CIT: variants seen among roughly 807,000 people sequenced by gnomAD.
CIT encodes the protein citron rho-interacting serine/threonine kinase.
CIT carries 79 observed loss-of-function variants against 272.7 expected under a neutral mutation model. That is an observed-to-expected ratio of 0.29 (90% CI 0.24 to 0.35). The LOEUF is 0.35. Ranked by LOEUF, CIT falls within the 10% of genes least tolerant of loss-of-function variation. The probability of loss-of-function intolerance (pLI) is 1.00; values close to 1 mark genes in which losing one functional copy is unlikely to be tolerated. For missense variants in CIT, 1,909 were observed against 2,618.3 expected, an observed-to-expected ratio of 0.73 and a Z score of 5.91; for synonymous variants, 948 against 995.6, an observed-to-expected ratio of 0.95 and a Z score of 0.90.
chr12:119,708,396 T>C, intron 39 of CIT, 78 bp from the exon 40 acceptor site: 1 of 1,360,188 alleles, frequency 7.4e-7, no homozygotes, highest in Non-Finnish European at 9.6e-7. Context: ...CTAGTTCTAG[T>C]CACAAGTAAA....
intron 9 of CIT, among the ~76,000 whole-genome samples, chr12:119,807,045 A>G (rs1847450455): frequency 6.6e-6 from 1 of 152,200 alleles, no homozygotes; most frequent in South Asian, 2.1e-4. Flanking sequence ...TGGTCTACAC[A>G]CTGGCATTAT....
In CIT at chr12:119,804,112, C is replaced by T; in HGVS notation, c.1112-723G>A. 1 of 956,442 alleles carries T rather than the reference C, an allele frequency of 1.0e-6. No individual in the cohort carries two copies. 59.2% of individuals were successfully genotyped at this position (956,442 alleles called of 1,614,324 possible). On this transcript the variant is annotated intron_variant, in intron 9 of 47. Coordinates refer to ENST00000392521, the MANE Select transcript of CIT (RefSeq NM_001206999.2). This position sits in a 1 kb window ranked among gnomAD's most constrained non-coding sequence, Gnocchi z 5.3. ...AAGTTCCTACCGGTGATCTACAGCA[C>T]CCCTGCGCGCTGACGGTGGGAATGC...
At chr12:119,856,934 ACT>A (rs1429526465) in intron 4 of CIT, among the ~76,000 whole-genome samples, 1 of 152,148 alleles carries the variant, frequency 6.6e-6, no homozygotes, top group Non-Finnish European at 1.5e-5. Context: ...GTAATAAATT[ACT>A]CTCTGAATTC....
At chr12:119,755,050 T>C (rs780985134) in intron 22 of CIT, among the ~76,000 whole-genome samples, 1 of 152,198 alleles carries the variant, frequency 6.6e-6, no homozygotes, top group Admixed American at 6.5e-5. Flanking sequence ...GCCTGGATGA[T>C]AAAAGTTAAA....
intron 23 of CIT, among the ~76,000 whole-genome samples, chr12:119,747,411 A>C (rs1959587167): frequency 2.7e-5 from 3 of 110,186 alleles, no homozygotes; most frequent in African/African-American, 3.6e-5. Context: ...ACAGAGGGAG[A>C]CTCCATCTCA....
At position 119,776,683 on chromosome 12, in the gene CIT, T is replaced by C; in HGVS notation, c.1825A>G (p.Lys609Glu). 16 of 1,613,670 alleles carry C rather than the reference T, an allele frequency of 9.9e-6. No individual in the cohort carries two copies. Among genetic ancestry groups the C allele is most frequent in the Non-Finnish European group, 1.3e-5 (15 of 1,179,916 alleles). Residue 609 changes from lysine (K) to glutamate (E), a missense_variant, in exon 14 of 48, where the codon AAA becomes GAA. Around this residue, in one of 8 missense-constraint regions of CIT, gnomAD observed 530 missense variants for 822.4 expected, o/e 0.64. Transcript: ENST00000392521. The stretch of plus-strand genomic sequence containing the variant: ...GGGTGGCTGACTACCTTCAACAGTT[T>C]ATGCTGACATTCTGTCGCTTTCCGC... ...FKRKATECQH[K>E]LLKAKDQGKP...
rs575958451 is a variant in CIT at position 119,821,105 on chromosome 12, G to A, written c.1111+1715C>T. Among the ~76,000 whole-genome samples the A allele has an allele frequency of 3.8e-4, 53 of 138,494 alleles. 1 individual carries two copies. The South Asian group carries it at 0.013, about 33-fold the overall frequency. The allele number at this position is 138,494 out of a possible 152,430, so 90.9% of individuals were successfully genotyped here. Reference sequence around the variant, plus strand: ...GAGGTCAGGAGTTCAAGATCAGCCTGACCAACATGGAAAAACCCTGTTTCT... The same window carrying A: ...GAGGTCAGGAGTTCAAGATCAGCCTAACCAACATGGAAAAACCCTGTTTCT... On this transcript the variant is annotated intron_variant, in intron 9 of 47. Transcript: ENST00000392521.
chr12:119,803,554 TA>T, intron 9 of CIT, 165 bp from the exon 10 acceptor site: 1 of 487,136 alleles, frequency 2.1e-6, no homozygotes, highest in Non-Finnish European at 3.6e-6. Flanking sequence ...AACAAGAGAT[TA>T]ACCCCTTCTC....
chr12:119,705,783 A>G (rs969594824), intron 40 of CIT, among the ~76,000 whole-genome samples: 2 of 123,564 alleles, frequency 1.6e-5, no homozygotes, highest in African/African-American at 9.9e-5. Context: ...AAAAAAAAAA[A>G]AAAAAAAAAA....
chr12:119,758,717 C>A lies in CIT; in HGVS notation c.2422-17G>T, dbSNP rs2137476926. 1 of 1,524,914 alleles carries A rather than the reference C, an allele frequency of 6.6e-7. No individual in the cohort carries two copies. Among genetic ancestry groups the A allele is most frequent in the African/African-American group, 1.4e-5 (1 of 73,300 alleles). The allele number at this position is 1,524,914 out of a possible 1,614,324, so 94.5% of individuals were successfully genotyped here. A position where few individuals can be genotyped will look rare whatever the true frequency, so the allele number is the denominator to read the frequency against. ...ATTGATCATCTGAAACACAGGGCACCTATGAAACTTCACACACCAGAACAG... is the reference window on the plus strand; with the variant it reads ...ATTGATCATCTGAAACACAGGGCACATATGAAACTTCACACACCAGAACAG... On this transcript the variant is annotated splice_polypyrimidine_tract_variant and intron_variant, in intron 20 of 47. Transcript: ENST00000392521.
At chr12:119,756,261 G>A (rs1960967029) in intron 22 of CIT, among the ~76,000 whole-genome samples, 1 of 152,132 alleles carries the variant, frequency 6.6e-6, no homozygotes, top group African/African-American at 2.4e-5. Flanking sequence ...TGGACAAAAC[G>A]CACAAAGTAA....
chr12:119,814,006 T>C (rs2137969696), intron 9 of CIT, among the ~76,000 whole-genome samples: 1 of 152,320 alleles, frequency 6.6e-6, no homozygotes. Context: ...TCCCAAATCA[T>C]TCTTCCTTTG....
rs199871502 is a variant in CIT, at chr12:119,876,153, A to G, written c.16T>C (p.Tyr6His). 47 of 1,613,416 alleles carry G rather than the reference A, an allele frequency of 2.9e-5. 2 individuals carry two copies. In the East Asian group the frequency reaches 1.0e-3, roughly 36 times the overall value. The change falls in exon 2 of 48, where the codon TAT becomes CAT. Residue 6 changes from tyrosine (Y) to histidine (H), a missense_variant. By Grantham distance (83) the Tyr-to-His change is moderately conservative. Around this residue, in one of 8 missense-constraint regions of CIT, gnomAD observed 529 missense variants for 549.6 expected, o/e 0.96. Coordinates refer to ENST00000392521, the MANE Select transcript of CIT (RefSeq NM_001206999.2). MLKFKYGARNPLDAGA... is the reference protein window; with the variant it reads MLKFKHGARNPLDAGA... The stretch of plus-strand genomic sequence containing the variant: ...GCATCCAAAGGATTCCGCGCTCCAT[A>G]TTTGAACTTCAACATCTCCCCACTG...
Position 119,876,061 on chromosome 12 carries a change from G to A in CIT, c.96+12C>T. ...CACACAGGTGAGCAAAGTTGGCAGG[G>A]TAGGCTGTTACCTGGAAGAACAGAT... On this transcript the variant is annotated intron_variant, in intron 2 of 47. Coordinates refer to ENST00000392521, the MANE Select transcript of CIT (RefSeq NM_001206999.2). 1 of 1,589,782 alleles carries A rather than the reference G, an allele frequency of 6.3e-7. No individual in the cohort carries two copies. The highest frequency in any genetic ancestry group is 8.6e-7 in the Non-Finnish European group (1 of 1,158,484).
intron 7 of CIT, among the ~76,000 whole-genome samples, chr12:119,830,112 G>C (rs1459007065): frequency 1.3e-5 from 2 of 149,096 alleles, no homozygotes; most frequent in African/African-American, 5.0e-5. Flanking sequence ...CACTTGACTT[G>C]ATCTAGTGTG....
intron 9 of CIT, among the ~76,000 whole-genome samples, chr12:119,818,905 G>C (rs1967443104): frequency 6.6e-6 from 1 of 152,132 alleles, no homozygotes; most frequent in Non-Finnish European, 1.5e-5. Flanking sequence ...GTTGATAGAA[G>C]ACAGTACCAG....
chr12:119,838,483 T>G (rs1969178314), intron 5 of CIT, among the ~76,000 whole-genome samples: 1 of 152,164 alleles, frequency 6.6e-6, no homozygotes, highest in Non-Finnish European at 1.5e-5. Flanking sequence ...CCAGACTTCA[T>G]GGATCACATT....
In CIT at chr12:119,784,522, C is replaced by A; in HGVS notation, c.1401+438G>T. 8.4e-7 allele frequency: 1 copy of A among 1,184,038 alleles called. No individual in the cohort carries two copies. The highest frequency in any genetic ancestry group is 1.1e-6 in the Non-Finnish European group (1 of 943,744). 73.3% of individuals were successfully genotyped at this position (1,184,038 alleles called of 1,614,324 possible). A position where few individuals can be genotyped will look rare whatever the true frequency, so the allele number is the denominator to read the frequency against. On this transcript the variant is annotated intron_variant, in intron 11 of 47. Transcript: ENST00000392521. This position sits in a 1 kb window ranked among gnomAD's most constrained non-coding sequence, Gnocchi z 4.7. ...TGACTTATTAGTTTCCAGAGCGTTG[C>A]CTCTGGGCAGGAACAGTGAATGTTA...
intron 24 of CIT, among the ~76,000 whole-genome samples, chr12:119,740,566 T>C (rs772093174): frequency 3.3e-5 from 5 of 152,014 alleles, no homozygotes; most frequent in East Asian, 3.8e-4. Flanking sequence ...AAAGTTCTTA[T>C]GCCAAAAGAC....
Sources: allele counts gnomAD v4.1 joint callset (sites outside exome capture counted in the v4.1 genomes callset), GRCh38; gene constraint gnomAD v4.1.1; regional missense constraint gnomAD v4.1.1; non-coding constraint Gnocchi (gnomAD v3.1); transcripts MANE v1.5; gene names NCBI Gene and HGNC (gene_info 2026-07-23, HGNC 2026-07-21).